Variants in ASPM observed in about 807,000 individuals in gnomAD.
The protein encoded by ASPM is assembly factor for spindle microtubules.
Under a neutral mutation model 366.4 loss-of-function variants are expected in ASPM, and 256 were observed. That is an observed-to-expected ratio of 0.70 (90% CI 0.63 to 0.77). The LOEUF is 0.77. Among genes scored for constraint, ASPM ranks in the 30% least tolerant of loss-of-function variants. The pLI, the probability that ASPM is intolerant of heterozygous loss-of-function variation, is 0.00. For synonymous variants in ASPM, 1,414 were observed against 1,342.9 expected (o/e 1.05, Z -1.16); for missense variants, 4,146 against 4,090.4 (o/e 1.01, Z -0.37).
intron 10 of ASPM, among the ~76,000 whole-genome samples, chr1:197,125,444 C>T (rs1245562128): frequency 6.6e-6 from 1 of 151,230 alleles, no homozygotes; most frequent in Non-Finnish European, 1.5e-5. Context: ...CACACATCAA[C>T]AAAATAATAG....
Position 197,142,308 on chromosome 1 carries a change from T to C in ASPM, c.1921+23A>G, listed in dbSNP as rs368143432. 6 of 1,609,934 alleles carry C rather than the reference T, an allele frequency of 3.7e-6. No homozygotes were observed. The African/African-American group carries it at 6.7e-5, about 18-fold the overall frequency. ...TATCCCCTTTACAGGTATACTTCAG[T>C]AGATTTTATAAACAAGACTCACCAG... On this transcript the variant is annotated intron_variant, in intron 3 of 27. Transcript: ENST00000367409.
intron 1 of ASPM, among the ~76,000 whole-genome samples, chr1:197,144,937 TCTA>T (rs1248076793): frequency 2.6e-5 from 4 of 152,226 alleles, no homozygotes; most frequent in Non-Finnish European, 5.9e-5. Flanking sequence ...AATAGTTTAT[TCTA>T]AAAATACCAC....
chr1:197,086,425 T>A (rs915025535), intron 27 of ASPM, among the ~76,000 whole-genome samples: 7 of 152,094 alleles, frequency 4.6e-5, no homozygotes, highest in Non-Finnish European at 1.0e-4. Context: ...ATCAGGGTGA[T>A]TATGGGAGGA....
intron 25 of ASPM, 87 bp from the exon 26 acceptor site, chr1:197,088,519 C>T (rs762479688): frequency 4.5e-5 from 61 of 1,364,376 alleles, no homozygotes; most frequent in Middle Eastern, 2.6e-4. Context: ...TACAAAAGTC[C>T]ATACTTAGTA....
intron 27 of ASPM, among the ~76,000 whole-genome samples, chr1:197,085,225 C>T (rs1413697449): frequency 1.3e-5 from 2 of 152,144 alleles, no homozygotes; most frequent in Non-Finnish European, 2.9e-5. Flanking sequence ...AAAATGTTTA[C>T]ACAACCAAGC....
chr1:197,096,491 C>T (rs531820496), intron 18 of ASPM, among the ~76,000 whole-genome samples: 3 of 151,852 alleles, frequency 2.0e-5, no homozygotes, highest in South Asian at 4.1e-4. Context: ...TCCTCATCAC[C>T]TCAATCCATT....
intron 13 of ASPM, among the ~76,000 whole-genome samples, chr1:197,123,634 G>A (rs148518116): frequency 1.3e-5 from 2 of 152,116 alleles, no homozygotes; most frequent in African/African-American, 2.4e-5. Flanking sequence ...TTACCAGATA[G>A]TTTATCCACG....
At chr1:197,115,279 C>A (rs1657708126) in intron 17 of ASPM, among the ~76,000 whole-genome samples, 1 of 152,178 alleles carries the variant, frequency 6.6e-6, no homozygotes, top group Admixed American at 6.6e-5. Context: ...TGCAATTCGG[C>A]ACACCTTCAG....
intron 10 of ASPM, among the ~76,000 whole-genome samples, chr1:197,127,453 T>C (rs1335104697): frequency 2.0e-5 from 3 of 152,278 alleles, no homozygotes; most frequent in South Asian, 4.1e-4. Context: ...ACTTCCTAAA[T>C]ACACAGAGAA....
At chr1:197,129,046 A>G in intron 9 of ASPM, 141 bp downstream of exon 9, 1 of 877,086 alleles carries the variant, frequency 1.1e-6, no homozygotes, top group Non-Finnish European at 1.7e-6. Flanking sequence ...GGGACTCACC[A>G]GACAGGCATT....
At chr1:197,096,772 A>G (rs1656987749) in intron 18 of ASPM, among the ~76,000 whole-genome samples, 2 of 151,768 alleles carry the variant, frequency 1.3e-5, no homozygotes, top group Admixed American at 1.3e-4. Flanking sequence ...TAATTTAGAG[A>G]TGAGGAAATC....
intron 8 of ASPM, 136 bp from the exon 9 acceptor site, chr1:197,129,453 G>T: frequency 1.1e-6 from 1 of 906,674 alleles, no homozygotes; most frequent in Non-Finnish European, 1.7e-6. Flanking sequence ...AACACTATGT[G>T]CCTTTTTTAG....
rs1657358592 is a variant in ASPM at position 197,104,838 on chromosome 1, T to C, written c.4413A>G (p.Ile1471Met). The C allele has an allele frequency of 2.5e-6, 4 of 1,595,378 alleles. No individual in the cohort carries two copies. Among genetic ancestry groups the C allele is most frequent in the Non-Finnish European group, 2.6e-6 (3 of 1,171,550 alleles). The change falls in exon 18 of 28, where the codon ATA (isoleucine) becomes ATG (methionine). Residue 1471 changes from isoleucine to methionine, a missense_variant. Coordinates refer to ENST00000367409, the MANE Select transcript of ASPM (RefSeq NM_018136.5). Reference sequence around the variant, plus strand: ...CTTTATGCATTCTATACCATGATTGTATGATAATAGCAGAATTTTCTTCTT... The same window carrying C: ...CTTTATGCATTCTATACCATGATTGCATGATAATAGCAGAATTTTCTTCTT... ...QAKEENSAII[I>M]QSWYRMHKEL...
At chr1:197,089,346 C>T (rs1211711767) in intron 25 of ASPM, among the ~76,000 whole-genome samples, 1 of 152,002 alleles carries the variant, frequency 6.6e-6, no homozygotes, top group African/African-American at 2.4e-5. Flanking sequence ...GGCCAAAAGA[C>T]AAATTCTGAT....
Position 197,143,031 on chromosome 1 carries a change from AGAT to A in ASPM, c.1218_1220del (p.Ser407del). On this transcript the variant is annotated inframe_deletion, in exon 3 of 28. Coordinates refer to ENST00000367409, the MANE Select transcript of ASPM (RefSeq NM_018136.5). ...ATAATGGTACTTTACATGTTTGCTG[AGAT>A]GTACACATATATGCCATGTTATCTT... 1 of 1,613,110 alleles carries A rather than the reference AGAT, an allele frequency of 6.2e-7. No homozygotes were observed. The highest frequency in any genetic ancestry group is 1.1e-5 in the South Asian group (1 of 91,066).
chr1:197,088,309 T>C lies in ASPM; in HGVS notation c.10108A>G (p.Thr3370Ala). The C allele has an allele frequency of 6.2e-7, 1 of 1,613,556 alleles. No homozygotes were observed. The highest frequency in any genetic ancestry group is 8.5e-7 in the Non-Finnish European group (1 of 1,179,750). The change falls in exon 26 of 28, where the codon ACA (threonine) becomes GCA (alanine). Residue 3370 changes from threonine to alanine, a missense_variant. Physicochemically the swap from Thr to Ala is moderately conservative, Grantham distance 58 (BLOSUM62 0). Around this residue, in one of 3 missense-constraint regions of ASPM, gnomAD observed 3,624 missense variants for 3,591.7 expected, o/e 1.01. Coordinates refer to ENST00000367409, the MANE Select transcript of ASPM (RefSeq NM_018136.5). ...KVADKGGSIF[T>A]KTCCLLAILL... ...ATAGCCAACAAACAACAAGTTTTTG[T>C]AAAAATGCTTCCGCCTTTGTCTGCA...
At chr1:197,123,535 G>C (rs556762902) in intron 13 of ASPM, among the ~76,000 whole-genome samples, 1 of 152,100 alleles carries the variant, frequency 6.6e-6, no homozygotes, top group South Asian at 2.1e-4. Flanking sequence ...AACAATTTTT[G>C]TACTAATAAC....
intron 24 of ASPM, 36 bp from the exon 25 acceptor site, chr1:197,090,120 T>G: frequency 6.2e-7 from 1 of 1,612,652 alleles, no homozygotes; most frequent in Non-Finnish European, 8.5e-7. Flanking sequence ...CACAGGTAAA[T>G]TTACAGCAAC....
intron 10 of ASPM, among the ~76,000 whole-genome samples, chr1:197,127,176 T>G (rs1463698204): frequency 6.6e-6 from 1 of 152,232 alleles, no homozygotes; most frequent in Non-Finnish European, 1.5e-5. Context: ...ACTCTAAAGT[T>G]ATCTCTAGTC....
Sources: allele counts gnomAD v4.1 joint callset (sites outside exome capture counted in the v4.1 genomes callset), GRCh38; gene constraint gnomAD v4.1.1; regional missense constraint gnomAD v4.1.1; transcripts MANE v1.5; gene names NCBI Gene and HGNC (gene_info 2026-07-23, HGNC 2026-07-21).